EXOC6: variants seen among roughly 807,000 people sequenced by gnomAD.
EXOC6 encodes the protein exocyst complex component 6.
Under a neutral mutation model 112.5 loss-of-function variants are expected in EXOC6, and 60 were observed. The observed-to-expected ratio is 0.53, with a 90% CI of 0.43 to 0.66. The LOEUF is 0.66. Among genes scored for constraint, EXOC6 ranks in the 30% least tolerant of loss-of-function variants. The pLI is 0.00. For synonymous variants in EXOC6, 295 were observed against 308.0 expected (o/e 0.96, Z 0.44); for missense variants, 855 against 957.1 (o/e 0.89, Z 1.41).
At chr10:93,044,425 C>A (rs1005704487) in intron 20 of EXOC6, among the ~76,000 whole-genome samples, 1 of 152,058 alleles carries the variant, frequency 6.6e-6, no homozygotes, top group Non-Finnish European at 1.5e-5. Flanking sequence ...ATAAACTCTC[C>A]TAAATACAAA....
intron 1 of EXOC6, among the ~76,000 whole-genome samples, chr10:92,877,112 T>C (rs1009161217): frequency 6.6e-6 from 1 of 152,184 alleles, no homozygotes; most frequent in African/African-American, 2.4e-5. Flanking sequence ...GTGTATGTAT[T>C]GATGTTTTGG....
intron 12 of EXOC6, among the ~76,000 whole-genome samples, chr10:92,936,228 T>C (rs1482261950): frequency 6.6e-6 from 1 of 152,228 alleles, no homozygotes; most frequent in South Asian, 2.1e-4. Flanking sequence ...CAGTGAGAAG[T>C]GGGTTCTAGA....
intron 1 of EXOC6, among the ~76,000 whole-genome samples, chr10:92,884,233 G>T (rs758418457): frequency 2.0e-5 from 3 of 152,202 alleles, no homozygotes; most frequent in Non-Finnish European, 2.9e-5. Flanking sequence ...TTTGTAGAAA[G>T]CTTTGACACC....
intron 17 of EXOC6, among the ~76,000 whole-genome samples, chr10:92,963,085 C>T (rs1358219489): frequency 1.3e-5 from 2 of 152,118 alleles, no homozygotes; most frequent in Non-Finnish European, 2.9e-5. Flanking sequence ...AGGCAGAAAG[C>T]TGAAGTTATA....
intron 20 of EXOC6, among the ~76,000 whole-genome samples, chr10:93,038,805 T>C (rs764211893): frequency 4.1e-4 from 63 of 152,200 alleles, no homozygotes; most frequent in Admixed American, 1.2e-3. Context: ...CTATTACCTC[T>C]ACCCTTGAAG....
chr10:93,045,626 C>T (rs914089436), intron 20 of EXOC6, among the ~76,000 whole-genome samples: 5 of 152,184 alleles, frequency 3.3e-5, no homozygotes, highest in African/African-American at 4.8e-5. Context: ...CTTATTTCTT[C>T]GTAGCTTCAG....
intron 4 of EXOC6, among the ~76,000 whole-genome samples, chr10:92,895,804 A>G (rs1343059866): frequency 1.3e-5 from 2 of 149,286 alleles, no homozygotes; most frequent in Non-Finnish European, 3.0e-5. Flanking sequence ...GGTTCAAGCA[A>G]TCCCCTTGTC....
chr10:92,843,282 C>A (rs1256857398), intron 1 of EXOC6, among the ~76,000 whole-genome samples: 1 of 152,066 alleles, frequency 6.6e-6, no homozygotes, highest in Admixed American at 6.5e-5. Context: ...CACTTGGGGT[C>A]ACCACACCAA....
chr10:92,830,437 G>C (rs1019226258), upstream of EXOC6, among the ~76,000 whole-genome samples: 17 of 152,174 alleles, frequency 1.1e-4, no homozygotes, highest in African/African-American at 3.4e-4. Context: ...AAAAGGCCCA[G>C]AAAAGGGCCC....
intron 13 of EXOC6, among the ~76,000 whole-genome samples, chr10:92,947,803 C>T (rs1166156352): frequency 6.6e-6 from 1 of 152,110 alleles, no homozygotes. Context: ...ACTTGGGAGG[C>T]TGAGGCAGCA....
chr10:92,890,947 C>A (rs893605210), intron 1 of EXOC6, among the ~76,000 whole-genome samples: 1 of 152,228 alleles, frequency 6.6e-6, no homozygotes, highest in African/African-American at 2.4e-5. Context: ...CATCTGGCTG[C>A]TGTATTGAGA....
Position 92,946,150 on chromosome 10 carries a change from G to T in EXOC6, c.1311-2124G>T, listed in dbSNP as rs1852982249. Among the ~76,000 whole-genome samples, 3 of 152,114 alleles carry T rather than the reference G, an allele frequency of 2.0e-5. No homozygotes were observed. In the South Asian group the frequency reaches 6.2e-4, roughly 32 times the overall value. ...CTAAAAAAACAAAAAAAAAAAATTAGCTGGGCGTGGTGGCCGGCGCCTGTA... is the reference window on the plus strand; with the variant it reads ...CTAAAAAAACAAAAAAAAAAAATTATCTGGGCGTGGTGGCCGGCGCCTGTA... On this transcript the variant is annotated intron_variant, in intron 13 of 21. Coordinates refer to ENST00000260762, the MANE Select transcript of EXOC6 (RefSeq NM_019053.6).
chr10:92,948,608 C>CTAG (rs1554900839), intron 14 of EXOC6, among the ~76,000 whole-genome samples: 3 of 150,500 alleles, frequency 2.0e-5, no homozygotes, highest in Non-Finnish European at 4.4e-5. Flanking sequence ...ACTACTACTA[C>CTAG]TACTACTACT....
At chr10:92,916,374 G>C (rs909632889) in intron 7 of EXOC6, among the ~76,000 whole-genome samples, 8 of 152,142 alleles carry the variant, frequency 5.3e-5, no homozygotes, top group African/African-American at 1.9e-4. Flanking sequence ...GCTGGGCATG[G>C]TGGTGGGCAC....
intron 20 of EXOC6, among the ~76,000 whole-genome samples, chr10:93,045,545 T>C (rs1845969938): frequency 1.3e-5 from 2 of 152,236 alleles, no homozygotes; most frequent in Admixed American, 6.5e-5. Flanking sequence ...CATACAATTT[T>C]TTCATTGGCT....
chr10:92,827,427 T>C (rs1487566331), intron 1 of EXOC6, among the ~76,000 whole-genome samples: 1 of 118,278 alleles, frequency 8.5e-6, no homozygotes, highest in Non-Finnish European at 1.6e-5. Context: ...TGAGACGAGA[T>C]GGCACCACTG....
At chr10:93,020,457 A>G (rs1844733727) in intron 20 of EXOC6, among the ~76,000 whole-genome samples, 1 of 151,980 alleles carries the variant, frequency 6.6e-6, no homozygotes, top group Non-Finnish European at 1.5e-5. Flanking sequence ...TGCTTCAGAG[A>G]CTCCAATAAT....
At chr10:92,873,194 A>G (rs1347103431) in intron 1 of EXOC6, among the ~76,000 whole-genome samples, 1 of 152,194 alleles carries the variant, frequency 6.6e-6, no homozygotes, top group Non-Finnish European at 1.5e-5. Flanking sequence ...TCAGGAATGT[A>G]AAAACAGGAA....
intron 19 of EXOC6, among the ~76,000 whole-genome samples, chr10:93,000,363 C>T (rs1373509822): frequency 6.6e-6 from 1 of 152,174 alleles, no homozygotes; most frequent in Non-Finnish European, 1.5e-5. Flanking sequence ...GAATCTTTGC[C>T]TCACTATCCT....
Sources: gnomAD v4.1 joint callset for allele counts (sites outside exome capture counted in the v4.1 genomes callset) on GRCh38, gnomAD v4.1.1 for gene constraint, MANE v1.5 for transcripts, NCBI Gene and HGNC (gene_info 2026-07-23, HGNC 2026-07-21) for gene names.